C19orf25: variants seen among roughly 807,000 people sequenced by gnomAD.
C19orf25 encodes the protein chromosome 19 open reading frame 25, also known as UPF0449 protein C19orf25.
Under a neutral mutation model 3.1 loss-of-function variants are expected in C19orf25, and 1 was observed. That is an observed-to-expected ratio of 0.32 (90% CI 0.12 to 1.54). The LOEUF (loss-of-function observed/expected upper bound fraction) is 1.54. Ranked by LOEUF, C19orf25 falls within the 40% of genes most tolerant of loss-of-function variation. C19orf25 has a pLI of 0.38. For missense variants in C19orf25, 196 were observed against 160.4 expected (o/e 1.22, Z -1.20); for synonymous variants, 91 against 74.3 (o/e 1.23, Z -1.16).
At chr19:1,478,187 C>A (rs1451775518) in intron 2 of C19orf25, among the ~76,000 whole-genome samples, 10 of 152,092 alleles carry the variant, frequency 6.6e-5, no homozygotes, top group Admixed American at 6.5e-4. Flanking sequence ...TAGGCTGTAT[C>A]CTCCCACTTT....
intron 2 of C19orf25, among the ~76,000 whole-genome samples, chr19:1,477,823 T>C (rs776576319): frequency 1.3e-5 from 2 of 152,090 alleles, no homozygotes; most frequent in Admixed American, 6.6e-5. Flanking sequence ...TGTTTTACTT[T>C]ATTTATTTCT....
intron 2 of C19orf25, chr19:1,476,472 C>CCGAACTG (rs1479916366): frequency 2.5e-6 from 1 of 394,130 alleles, no homozygotes; most frequent in East Asian, 3.6e-5. Context: ...CCTCAGGTGA[C>CCGAACTG]CGAACTGCAT....
At position 1,478,582 on chromosome 19, in the gene C19orf25, T is replaced by G. The variant is rs1047969001; in HGVS notation, c.130+192A>C. On this transcript the variant is annotated intron_variant, in intron 2 of 2. Transcript: ENST00000585675. Reference sequence around the variant, plus strand: ...AACCACAGCGCCCGGCCTCCACCCCTGTCAGAAGAACCCTCTGAAAATCGG... The same window carrying G: ...AACCACAGCGCCCGGCCTCCACCCCGGTCAGAAGAACCCTCTGAAAATCGG... The G allele has an allele frequency of 3.6e-6, 5 of 1,392,186 alleles. No homozygotes were observed. In the African/African-American group the frequency reaches 7.5e-5, roughly 21 times the overall value. 86.2% of individuals were successfully genotyped at this position (1,392,186 alleles called of 1,614,324 possible).
chr19:1,474,576 A>T lies in C19orf25; in HGVS notation c.*456T>A. 1 of 405,018 alleles carries T rather than the reference A, an allele frequency of 2.5e-6. No individual in the cohort carries two copies. Among genetic ancestry groups the T allele is most frequent in the Non-Finnish European group, 4.4e-6 (1 of 228,766 alleles). 25.1% of individuals were successfully genotyped at this position (405,018 alleles called of 1,614,324 possible). A position where few individuals can be genotyped will look rare whatever the true frequency, so the allele number is the denominator to read the frequency against. On this transcript the variant is annotated 3_prime_UTR_variant, in exon 3 of 3. Transcript: ENST00000585675. ...CAGAAGGAAGTGGGGTCAGGGGCTC[A>T]GGCTGGCCCTCGGGCTGCTCTGACA... is the stretch of plus-strand genomic sequence containing the variant.
chr19:1,479,042 G>A (rs1490753476), intron 1 of C19orf25, 121 bp downstream of exon 1: 6 of 1,264,988 alleles, frequency 4.7e-6, no homozygotes, highest in East Asian at 2.9e-5. Flanking sequence ...CCGCCCCTCT[G>A]AGCTCGCCCC....
At position 1,474,909 on chromosome 19, in the gene C19orf25, G is replaced by A. The variant is rs574096946; in HGVS notation, c.*123C>T. The A allele has an allele frequency of 5.8e-5, 88 of 1,521,818 alleles. No individual in the cohort carries two copies. The highest frequency in any genetic ancestry group is 5.4e-4 in the Admixed American group (27 of 50,012). 94.3% of individuals were successfully genotyped at this position (1,521,818 alleles called of 1,614,324 possible). On this transcript the variant is annotated 3_prime_UTR_variant, in exon 3 of 3. Coordinates refer to ENST00000585675, the MANE Select transcript of C19orf25 (RefSeq NM_152482.3). ...CCGCAGCCCCAGCATCAGGAGGGGC[G>A]CCTGTGTCAACACCCACGTGGGCTG...
In C19orf25 at chr19:1,475,149, G is replaced by A. The variant is rs1266568914; in HGVS notation, c.240C>T (p.Gly80=). 2.5e-6 allele frequency: 4 copies of A among 1,590,638 alleles called. No individual in the cohort carries two copies. The highest frequency in any genetic ancestry group is 3.4e-6 in the Non-Finnish European group (4 of 1,169,900). Residue 80 remains glycine (G), a synonymous_variant, in exon 3 of 3, where the codon GGC becomes GGT. Transcript: ENST00000585675. ...GCTCACACCTCTGCCTCAGCACGTT[G>A]CCCGCCTGCTGCAGCCGCTGGTTGG... The part of the protein sequence containing the change: ...VAANQRLQQA[G]NVLRQRCELL...
Position 1,478,917 on chromosome 19 carries a change from GA to G in C19orf25, c.-2-13del. The G allele has an allele frequency of 1.3e-6, 2 of 1,583,154 alleles. No individual in the cohort carries two copies. The highest frequency in any genetic ancestry group is 1.7e-6 in the Non-Finnish European group (2 of 1,168,334). The stretch of plus-strand genomic sequence containing the variant: ...CTTGGAGCCCATCTCTGAAGGCGGG[GA>G]AGGGGGCGCTGACCGGGGCGTCCAC... On this transcript the variant is annotated splice_polypyrimidine_tract_variant and intron_variant, in intron 1 of 2. Coordinates refer to ENST00000585675, the MANE Select transcript of C19orf25 (RefSeq NM_152482.3).
intron 2 of C19orf25, 146 bp downstream of exon 2, chr19:1,478,628 G>C: frequency 6.9e-7 from 1 of 1,447,640 alleles, no homozygotes; most frequent in Middle Eastern, 1.8e-4. Flanking sequence ...CGGAGGAGTA[G>C]AGGGAGACTC....
Position 1,478,759 on chromosome 19 carries a change from C to T in C19orf25, c.130+15G>A, listed in dbSNP as rs181504121. 1.1e-4 allele frequency: 171 copies of T among 1,555,436 alleles called. No individual in the cohort carries two copies. The African/African-American group carries it at 2.0e-3, about 18-fold the overall frequency. On this transcript the variant is annotated intron_variant, in intron 2 of 2. Coordinates refer to ENST00000585675, the MANE Select transcript of C19orf25 (RefSeq NM_152482.3). ...GTCTCAGGTCCGCTTTTCCCCGGGACCGGGCTCCCCCTACCTTCCGGGGCC... is the reference window on the plus strand; with the variant it reads ...GTCTCAGGTCCGCTTTTCCCCGGGATCGGGCTCCCCCTACCTTCCGGGGCC...
chr19:1,476,066 T>C (rs977889303), intron 2 of C19orf25: 2 of 397,178 alleles, frequency 5.0e-6, no homozygotes, highest in African/African-American at 2.1e-5. Flanking sequence ...GAGGTGGGCA[T>C]TGACGTCCTG....
At chr19:1,475,375 G>A (rs761090362) in intron 2 of C19orf25, 117 bp from the exon 3 acceptor site, 21 of 1,077,646 alleles carry the variant, frequency 1.9e-5, no homozygotes, top group Middle Eastern at 2.1e-4. Context: ...CTTGCCAGCC[G>A]GGGTCTTCTT....
chr19:1,475,018 C>CA lies in C19orf25; in HGVS notation c.*13dup, dbSNP rs758915159. ...CCACCTTGTGCGCTGCCCAAGCCTG[C>CA]AGGCCCCGAGAGGTCAGCCTGAGGA... On this transcript the variant is annotated 3_prime_UTR_variant, in exon 3 of 3. Transcript: ENST00000585675. 5.1e-5 allele frequency: 80 copies of CA among 1,568,138 alleles called. No homozygotes were observed. In the East Asian group the frequency reaches 1.9e-3, roughly 37 times the overall value.
At chr19:1,475,365 C>CTT in intron 2 of C19orf25, 107 bp from the exon 3 acceptor site, 1 of 1,172,436 alleles carries the variant, frequency 8.5e-7, no homozygotes, top group East Asian at 2.6e-5. Context: ...CCCGAGTGAG[C>CTT]TTGCCAGCCG....
chr19:1,476,303 G>A (rs1034836199), intron 2 of C19orf25: 16 of 398,632 alleles, frequency 4.0e-5, no homozygotes, highest in Non-Finnish European at 6.2e-5. Flanking sequence ...ACCTGCTTTA[G>A]CAACAGGGTG....
In C19orf25 at chr19:1,475,046, C is replaced by T; in HGVS notation, c.343G>A (p.Ala115Thr). ...KQAALPAAEA[A>T]SSG The stretch of plus-strand genomic sequence containing the variant: ...GCCCCGAGAGGTCAGCCTGAGGAGG[C>T]AGCCTCGGCTGCCGGTAATGCTGCC... The change falls in exon 3 of 3, where the codon GCC (alanine) becomes ACC (threonine). Residue 115 changes from alanine to threonine, a missense_variant. Coordinates refer to ENST00000585675, the MANE Select transcript of C19orf25 (RefSeq NM_152482.3). 1 of 1,593,066 alleles carries T rather than the reference C, an allele frequency of 6.3e-7. No individual in the cohort carries two copies. The highest frequency in any genetic ancestry group is 1.1e-5 in the South Asian group (1 of 88,260).
At chr19:1,475,939 C>G (rs2084201256) in intron 2 of C19orf25, 1 of 357,506 alleles carries the variant, frequency 2.8e-6, no homozygotes, top group East Asian at 4.0e-5. Flanking sequence ...TGGCCTGGCT[C>G]TCATTCCTGC....
rs763682135 is a variant in C19orf25, at chr19:1,478,770, C to G, written c.130+4G>C. 3.4e-5 allele frequency: 53 copies of G among 1,566,930 alleles called. No homozygotes were observed. The highest frequency in any genetic ancestry group is 4.4e-5 in the Non-Finnish European group (51 of 1,156,428). On this transcript the variant is annotated splice_donor_region_variant and intron_variant, in intron 2 of 2. Coordinates refer to ENST00000585675, the MANE Select transcript of C19orf25 (RefSeq NM_152482.3). ...GCTTTTCCCCGGGACCGGGCTCCCC[C>G]TACCTTCCGGGGCCAGGATGGTGAA...
At position 1,474,789 on chromosome 19, in the gene C19orf25, C is replaced by T. The variant is rs1210286577; in HGVS notation, c.*243G>A. 3.5e-6 allele frequency: 5 copies of T among 1,436,610 alleles called. No individual in the cohort carries two copies. Among genetic ancestry groups the T allele is most frequent in the Non-Finnish European group, 4.6e-6 (5 of 1,097,044 alleles). 89.0% of individuals were successfully genotyped at this position (1,436,610 alleles called of 1,614,324 possible). A position where few individuals can be genotyped will look rare whatever the true frequency, so the allele number is the denominator to read the frequency against. On this transcript the variant is annotated 3_prime_UTR_variant, in exon 3 of 3. Transcript: ENST00000585675. ...CACAGTACAGCAATAATGTCCCTATCCTCTTCCAGAACCCCAGTGGGGCCC... is the reference window on the plus strand; with the variant it reads ...CACAGTACAGCAATAATGTCCCTATTCTCTTCCAGAACCCCAGTGGGGCCC...
Sources: allele counts gnomAD v4.1 joint callset (sites outside exome capture counted in the v4.1 genomes callset), GRCh38; gene constraint gnomAD v4.1.1; transcripts MANE v1.5; gene names NCBI Gene and HGNC (gene_info 2026-07-23, HGNC 2026-07-21).